The following RTN1 variants were observed in gnomAD, a reference collection of about 807,000 sequenced individuals.
RTN1 encodes the protein reticulon 1, also known as reticulon-1.
Under a neutral mutation model 65.5 loss-of-function variants are expected in RTN1, and 25 were observed. The observed-to-expected ratio is 0.38, with a 90% CI of 0.28 to 0.53. RTN1 has a LOEUF of 0.53. Ranked by LOEUF, RTN1 falls within the 20% of genes least tolerant of loss-of-function variation. RTN1 has a pLI of 0.79. For missense variants in RTN1, 983 were observed against 1,025.4 expected, an observed-to-expected ratio of 0.96 and a Z score of 0.57; for synonymous variants, 471 against 447.6, an observed-to-expected ratio of 1.05 and a Z score of -0.66.
chr14:59,661,317 G>A (rs989292692), intron 3 of RTN1, among the ~76,000 whole-genome samples: 65 of 146,444 alleles, frequency 4.4e-4, no homozygotes, highest in African/African-American at 1.6e-3. Context: ...AATTCTATTC[G>A]AGGTATAAAG....
intron 1 of RTN1, among the ~76,000 whole-genome samples, chr14:59,747,095 C>T (rs902488321): frequency 2.0e-5 from 3 of 152,192 alleles, no homozygotes; most frequent in Admixed American, 2.0e-4. Context: ...GTGTGCTTCC[C>T]TGTTTATTTC....
rs983891278 is a variant in RTN1 at position 59,868,195 on chromosome 14, C to T, written c.241+2195G>A. The stretch of plus-strand genomic sequence containing the variant: ...TTTCTGGCGTTTGAGTCTCTTATAG[C>T]AGCACATCCGGTCTACTTAATAAGA... On this transcript the variant is annotated intron_variant, in intron 1 of 8. Transcript: ENST00000267484. This position sits in a 1 kb window ranked among gnomAD's most constrained non-coding sequence, Gnocchi z 4.0. Among the ~76,000 whole-genome samples the T allele has an allele frequency of 5.3e-5, 8 of 152,154 alleles. No individual in the cohort carries two copies. Among genetic ancestry groups the T allele is most frequent in the Admixed American group, 1.3e-4 (2 of 15,276 alleles).
At chr14:59,633,877 T>C (rs1298706576) in intron 3 of RTN1, among the ~76,000 whole-genome samples, 1 of 152,200 alleles carries the variant, frequency 6.6e-6, no homozygotes, top group African/African-American at 2.4e-5. Flanking sequence ...CTTTATTGTG[T>C]CTGTCTCCTC....
intron 3 of RTN1, among the ~76,000 whole-genome samples, chr14:59,697,088 A>G (rs541500961): frequency 5.4e-4 from 82 of 152,262 alleles, no homozygotes; most frequent in African/African-American, 1.9e-3. Flanking sequence ...ACTATCAGGA[A>G]GATAACATTT....
chr14:59,771,061 T>A (rs1885948421), intron 1 of RTN1, among the ~76,000 whole-genome samples: 1 of 150,946 alleles, frequency 6.6e-6, no homozygotes, highest in African/African-American at 2.4e-5. Context: ...AAAAAAAAAA[T>A]TCTGTAATGG....
At chr14:59,811,004 T>C (rs1886718700) in intron 1 of RTN1, among the ~76,000 whole-genome samples, 1 of 152,178 alleles carries the variant, frequency 6.6e-6, no homozygotes, top group African/African-American at 2.4e-5. Context: ...GGAAGAAATA[T>C]ACTGGAACTT....
intron 1 of RTN1, among the ~76,000 whole-genome samples, chr14:59,837,264 G>GA (rs1887229187): frequency 1.3e-5 from 2 of 151,396 alleles, no homozygotes; most frequent in Non-Finnish European, 2.9e-5. Flanking sequence ...TGGTTAATTT[G>GA]AAAAAAACAT....
At chr14:59,681,569 T>C (rs925124028) in intron 3 of RTN1, among the ~76,000 whole-genome samples, 2 of 152,184 alleles carry the variant, frequency 1.3e-5, no homozygotes, top group African/African-American at 4.8e-5. Flanking sequence ...CACTGGGCTC[T>C]CTCACTCATG....
chr14:59,680,669 T>TA (rs1239559892), intron 3 of RTN1, among the ~76,000 whole-genome samples: 1 of 152,222 alleles, frequency 6.6e-6, no homozygotes, highest in Non-Finnish European at 1.5e-5. Context: ...TCATATGTTT[T>TA]AGTATGGTAA....
chr14:59,707,653 A>G (rs918401564), intron 3 of RTN1, among the ~76,000 whole-genome samples: 1 of 151,822 alleles, frequency 6.6e-6, no homozygotes, highest in African/African-American at 2.4e-5. Context: ...TCTAGGAAGG[A>G]GTTAACTGCT....
rs1460858226 is a variant in RTN1, at chr14:59,799,448, A to G, written c.242-52967T>C. Among the ~76,000 whole-genome samples, 7 of 152,236 alleles carry G rather than the reference A, an allele frequency of 4.6e-5. No homozygotes were observed. The East Asian group carries it at 1.3e-3, about 29-fold the overall frequency. ...GAGTTGAGGTAATAAGGCAGCCAAG[A>G]GAACTGAATTTCAAAGTCAAAAGCC... is the stretch of plus-strand genomic sequence containing the variant. On this transcript the variant is annotated intron_variant, in intron 1 of 8. Coordinates refer to ENST00000267484, the MANE Select transcript of RTN1 (RefSeq NM_021136.3).
intron 3 of RTN1, among the ~76,000 whole-genome samples, chr14:59,701,894 A>T (rs1884187988): frequency 6.6e-6 from 1 of 152,008 alleles, no homozygotes; most frequent in Admixed American, 6.6e-5. Flanking sequence ...TAGTTTGCTG[A>T]CTCCTGTTTC....
chr14:59,818,568 T>C (rs1886863107), intron 1 of RTN1, among the ~76,000 whole-genome samples: 1 of 152,284 alleles, frequency 6.6e-6, no homozygotes, highest in Non-Finnish European at 1.5e-5. Context: ...ATTGATATTT[T>C]ATTCAATCTA....
In RTN1 at chr14:59,766,458, C is replaced by T. The variant is rs1392651392; in HGVS notation, c.242-19977G>A. Among the ~76,000 whole-genome samples, 1 of 152,028 alleles carries T rather than the reference C, an allele frequency of 6.6e-6. No homozygotes were observed. The highest frequency in any genetic ancestry group is 1.5e-5 in the Non-Finnish European group (1 of 68,016). On this transcript the variant is annotated intron_variant, in intron 1 of 8. Coordinates refer to ENST00000267484, the MANE Select transcript of RTN1 (RefSeq NM_021136.3). The surrounding 1 kb of genome is among the most constrained non-coding windows in gnomAD (Gnocchi z 4.4). ...TATATATTGTTCAACGTATTATTTT[C>T]TACTTACCTGTAAGTTGGTAAGGTA...
chr14:59,637,710 C>CAA (rs36015610), intron 3 of RTN1, among the ~76,000 whole-genome samples: 4,920 of 112,044 alleles, frequency 0.044, 147 homozygotes, highest in African/African-American at 0.077. Context: ...GACTCCGTCT[C>CAA]AAAAAAAAAA....
At chr14:59,768,870 A>T (rs535774981) in intron 1 of RTN1, among the ~76,000 whole-genome samples, 1 of 152,330 alleles carries the variant, frequency 6.6e-6, no homozygotes, top group Admixed American at 6.5e-5. Flanking sequence ...AGGCAATATT[A>T]TTCCCATTTT....
At chr14:59,624,784 A>C (rs1279296372) in intron 3 of RTN1, among the ~76,000 whole-genome samples, 1 of 152,190 alleles carries the variant, frequency 6.6e-6, no homozygotes, top group Non-Finnish European at 1.5e-5. Context: ...AAGAACTAGA[A>C]AGGTGACAGT....
At chr14:59,815,517 A>G (rs1886804427) in intron 1 of RTN1, among the ~76,000 whole-genome samples, 1 of 152,156 alleles carries the variant, frequency 6.6e-6, no homozygotes, top group Admixed American at 6.5e-5. Context: ...AGATTCTCAG[A>G]TGGTAATTTA....
In RTN1 at chr14:59,727,585, A is replaced by C. The variant is rs770503709; in HGVS notation, c.1099T>G (p.Ser367Ala). 6.2e-7 allele frequency: 1 copy of C among 1,612,684 alleles called. No individual in the cohort carries two copies. The highest frequency in any genetic ancestry group is 8.5e-7 in the Non-Finnish European group (1 of 1,179,730). Residue 367 changes from serine (S) to alanine (A), a missense_variant, in exon 3 of 9, where the codon TCG becomes GCG. Transcript: ENST00000267484. The surrounding 1 kb of genome is among the most constrained non-coding windows in gnomAD (Gnocchi z 4.2). The part of the protein sequence containing the change: ...ITAIKEAKGL[S>A]YETAENPRPV... Reference sequence around the variant, plus strand: ...CGTGGGTTCTCGGCGGTTTCATACGATAATCCCTTTGCTTCTTTGATGGCG... The same window carrying C: ...CGTGGGTTCTCGGCGGTTTCATACGCTAATCCCTTTGCTTCTTTGATGGCG...
Sources: allele counts gnomAD v4.1 joint callset (sites outside exome capture counted in the v4.1 genomes callset), GRCh38; gene constraint gnomAD v4.1.1; non-coding constraint Gnocchi (gnomAD v3.1); transcripts MANE v1.5; gene names NCBI Gene and HGNC (gene_info 2026-07-23, HGNC 2026-07-21).